DNAH9: variants seen among roughly 807,000 people sequenced by gnomAD.
The protein encoded by DNAH9 is DNAH9 variant protein.
In DNAH9, 345 loss-of-function variants were observed where a neutral mutation model predicts 471.6. The ratio of observed to expected loss-of-function variants is 0.73; its 90% CI spans 0.67 to 0.80. DNAH9 has a LOEUF of 0.80. Among genes scored for constraint, DNAH9 ranks in the 30% least tolerant of loss-of-function variants. The probability of loss-of-function intolerance (pLI) is 0.00; values close to 1 mark genes in which losing one functional copy is unlikely to be tolerated. For synonymous variants in DNAH9, 2,093 were observed against 2,123.6 expected, an observed-to-expected ratio of 0.99 and a Z score of 0.40; for missense variants, 5,407 against 5,609.2, an observed-to-expected ratio of 0.96 and a Z score of 1.15.
At chr17:11,617,340 A>G in intron 4 of DNAH9, 71 bp from the exon 5 acceptor site, 1 of 1,083,246 alleles carries the variant, frequency 9.2e-7, no homozygotes, top group Non-Finnish European at 1.4e-6. Flanking sequence ...TTTACTTCCC[A>G]GGGACTAGGG....
In DNAH9 at chr17:11,891,784, G is replaced by A. The variant is rs1449469446; in HGVS notation, c.11120G>A (p.Ser3707Asn). The change falls in exon 58 of 69, where the codon AGT becomes AAT. Residue 3707 changes from serine to asparagine, a missense_variant. By Grantham distance (46) the Ser-to-Asn change is conservative. This residue lies in a region of DNAH9 where 4,636 missense variants were observed against 4,900.3 expected (regional missense o/e 0.95). Transcript: ENST00000262442. ...PMYQFSLKAF[S>N]IVFQKAVERA... is the part of the protein sequence containing the mutation. ...CCTGTCTTCTGTCCCCAGGCCTTCA[G>A]TATCGTCTTCCAGAAGGCTGTGGAG... 1 of 1,613,986 alleles carries A rather than the reference G, an allele frequency of 6.2e-7. No homozygotes were observed. The highest frequency in any genetic ancestry group is 8.5e-7 in the Non-Finnish European group (1 of 1,180,006).
rs555630130 is a variant in DNAH9 at position 11,757,999 on chromosome 17, G to C, written c.6995+307G>C. Among the ~76,000 whole-genome samples, 9 of 152,302 alleles carry C rather than the reference G, an allele frequency of 5.9e-5. No individual in the cohort carries two copies. In the South Asian group the frequency reaches 1.9e-3, roughly 32 times the overall value. ...TATCAGATTACAATCCAGACACTCAGATCCTTCTGTGTACAGGGCAAGCAG... is the reference window on the plus strand; with the variant it reads ...TATCAGATTACAATCCAGACACTCACATCCTTCTGTGTACAGGGCAAGCAG... On this transcript the variant is annotated intron_variant, in intron 35 of 68. Transcript: ENST00000262442.
chr17:11,919,505 GA>G (rs1221694573), intron 61 of DNAH9, among the ~76,000 whole-genome samples: 13 of 100,332 alleles, frequency 1.3e-4, no homozygotes, highest in African/African-American at 4.1e-4. Context: ...AAAAAAAAAA[GA>G]AAAAAAAAAA....
intron 27 of DNAH9, among the ~76,000 whole-genome samples, chr17:11,724,598 A>G (rs1198240584): frequency 6.6e-6 from 1 of 152,204 alleles, no homozygotes; most frequent in East Asian, 1.9e-4. Context: ...ACTTAGGTTG[A>G]TTCCATATCT....
At position 11,834,888 on chromosome 17, in the gene DNAH9, C is replaced by A; in HGVS notation, c.9497C>A (p.Thr3166Asn). Residue 3166 changes from threonine to asparagine, a missense_variant, in exon 49 of 69, where the codon ACC (threonine) becomes AAC (asparagine). This residue lies in a region of DNAH9 where 4,636 missense variants were observed against 4,900.3 expected (regional missense o/e 0.95). Coordinates refer to ENST00000262442, the MANE Select transcript of DNAH9 (RefSeq NM_001372.4). The stretch of plus-strand genomic sequence containing the variant: ...ACAGCAGCGCAGGCAGCTCTCAACA[C>A]CCTGAACAAGGTAGGAGGACTGTCT... ...ALTAAQAALNTLNKTNLTELK... is the reference protein window; with the variant it reads ...ALTAAQAALNNLNKTNLTELK... 2 of 1,612,928 alleles carry A rather than the reference C, an allele frequency of 1.2e-6. No individual in the cohort carries two copies. The highest frequency in any genetic ancestry group is 1.7e-6 in the Non-Finnish European group (2 of 1,179,748).
chr17:11,833,150 A>C (rs748691684), intron 48 of DNAH9, among the ~76,000 whole-genome samples: 6 of 152,192 alleles, frequency 3.9e-5, no homozygotes, highest in Non-Finnish European at 8.8e-5. Context: ...CCAGCTCATG[A>C]GCAGAATGGA....
At chr17:11,744,310 C>A (rs1475540298) in intron 30 of DNAH9, among the ~76,000 whole-genome samples, 1 of 152,158 alleles carries the variant, frequency 6.6e-6, no homozygotes, top group Admixed American at 6.5e-5. Flanking sequence ...GTCCACTCTC[C>A]CACAGACCCT....
At chr17:11,789,619 G>C (rs1018337583) in intron 41 of DNAH9, among the ~76,000 whole-genome samples, 1 of 151,682 alleles carries the variant, frequency 6.6e-6, no homozygotes, top group African/African-American at 2.4e-5. Context: ...AAACCTGAAG[G>C]GTATACCTGC....
intron 50 of DNAH9, among the ~76,000 whole-genome samples, chr17:11,860,722 C>T (rs947931707): frequency 3.3e-5 from 5 of 152,052 alleles, no homozygotes; most frequent in African/African-American, 7.2e-5. Context: ...CCACCATGCC[C>T]GGCTAATTTT....
chr17:11,898,722 T>A (rs2151009956), intron 59 of DNAH9, among the ~76,000 whole-genome samples: 1 of 152,358 alleles, frequency 6.6e-6, no homozygotes, highest in South Asian at 2.1e-4. Context: ...TTGGACCAAG[T>A]CCAGTTGCCT....
chr17:11,817,055 C>CAA (rs60143900), intron 45 of DNAH9, among the ~76,000 whole-genome samples: 1 of 145,864 alleles, frequency 6.9e-6, no homozygotes, highest in Non-Finnish European at 1.5e-5. Flanking sequence ...CGAGCCGTCT[C>CAA]AAAAAAAAAA....
Position 11,937,567 on chromosome 17 carries a change from A to G in DNAH9, c.12660+45A>G, listed in dbSNP as rs563699015. ...CCTGAGGTCGTTCTGGGGGACCCCG[A>G]GGATCATAGATGCACACCTTTCTCC... On this transcript the variant is annotated intron_variant, in intron 66 of 68. Coordinates refer to ENST00000262442, the MANE Select transcript of DNAH9 (RefSeq NM_001372.4). The surrounding 1 kb of genome is among the most constrained non-coding windows in gnomAD (Gnocchi z 4.1). The G allele has an allele frequency of 1.3e-6, 2 of 1,561,220 alleles. No individual in the cohort carries two copies. The highest frequency in any genetic ancestry group is 1.2e-5 in the South Asian group (1 of 83,900).
At chr17:11,737,453 C>T (rs1320881628) in intron 28 of DNAH9, among the ~76,000 whole-genome samples, 1 of 152,036 alleles carries the variant, frequency 6.6e-6, no homozygotes, top group Non-Finnish European at 1.5e-5. Context: ...AAACCTTGCA[C>T]CGGCCCCAGC....
rs779974664 is a variant in DNAH9, at chr17:11,689,911, G to A, written c.4089G>A (p.Val1363=). The change falls in exon 20 of 69, where the codon GTG becomes GTA. Residue 1363 remains valine, a synonymous_variant. Coordinates refer to ENST00000262442, the MANE Select transcript of DNAH9 (RefSeq NM_001372.4). ...CATTCACAGGCCTGGAAAGCACTGT[G>A]TGGAACACGCTGAGCTCCCTGAGGG... ...WDAFTGLEST[V]WNTLSSLRAV... 2 of 1,609,006 alleles carry A rather than the reference G, an allele frequency of 1.2e-6. No homozygotes were observed. The highest frequency in any genetic ancestry group is 8.5e-7 in the Non-Finnish European group (1 of 1,177,448).
Position 11,810,243 on chromosome 17 carries a change from C to T in DNAH9, c.8584-3C>T, listed in dbSNP as rs375744227. On this transcript the variant is annotated splice_region_variant and splice_polypyrimidine_tract_variant and intron_variant, in intron 44 of 68. Coordinates refer to ENST00000262442, the MANE Select transcript of DNAH9 (RefSeq NM_001372.4). ...AGATTTCTGATATTGACCATTCCTA[C>T]AGATGGACCTGGCCAGCCTGTGTCT... 1.9e-6 allele frequency: 3 copies of T among 1,609,994 alleles called. No individual in the cohort carries two copies. Among genetic ancestry groups the T allele is most frequent in the Non-Finnish European group, 2.5e-6 (3 of 1,178,488 alleles).
intron 7 of DNAH9, 70 bp downstream of exon 7, chr17:11,629,654 G>A (rs777484565): frequency 4.3e-4 from 586 of 1,373,700 alleles, no homozygotes; most frequent in Non-Finnish European, 5.7e-4. Flanking sequence ...TAGGGTCTAG[G>A]TATTTACTTG....
chr17:11,884,589 G>A, intron 56 of DNAH9: 1 of 456,096 alleles, frequency 2.2e-6, no homozygotes, highest in African/African-American at 2.0e-5. Flanking sequence ...AGACAAGGTA[G>A]GAAATATGAA....
chr17:11,703,997 A>C (rs1337406221), intron 24 of DNAH9, among the ~76,000 whole-genome samples: 1 of 152,224 alleles, frequency 6.6e-6, no homozygotes. Context: ...TCAGGAGCAG[A>C]AAGTGCTTTT....
intron 19 of DNAH9, 141 bp from the exon 20 acceptor site, chr17:11,689,424 GA>G: frequency 1.4e-6 from 1 of 726,274 alleles, no homozygotes; most frequent in Non-Finnish European, 2.3e-6. Flanking sequence ...TTGCTTTCGT[GA>G]AAAGAATGTT....
Sources: allele counts gnomAD v4.1 joint callset (sites outside exome capture counted in the v4.1 genomes callset), GRCh38; gene constraint gnomAD v4.1.1; regional missense constraint gnomAD v4.1.1; non-coding constraint Gnocchi (gnomAD v3.1); transcripts MANE v1.5; gene names NCBI Gene and HGNC (gene_info 2026-07-23, HGNC 2026-07-21).